The following MCOLN1 variants were observed in gnomAD, a reference collection of about 807,000 sequenced individuals.
MCOLN1 encodes the protein mucolipin-1.
Under a neutral mutation model 70.3 loss-of-function variants are expected in MCOLN1, and 50 were observed. The ratio of observed to expected loss-of-function variants is 0.71; its 90% CI spans 0.57 to 0.90. MCOLN1 has a LOEUF of 0.90. Ranked by LOEUF, MCOLN1 falls within the 40% of genes least tolerant of loss-of-function variation. The pLI is 0.00. For synonymous variants in MCOLN1, 366 were observed against 341.0 expected, an observed-to-expected ratio of 1.07 and a Z score of -0.81; for missense variants, 598 against 803.5, an observed-to-expected ratio of 0.74 and a Z score of 3.09.
intron 10 of MCOLN1, 91 bp from the exon 11 acceptor site, chr19:7,529,499 A>AGGGG: frequency 3.0e-6 from 3 of 1,014,178 alleles, no homozygotes; most frequent in Non-Finnish European, 3.0e-6. Flanking sequence ...GCCCTCGGCA[A>AGGGG]GGCCCCGCCC....
chr19:7,524,932 C>T lies in MCOLN1; in HGVS notation c.32-29C>T, dbSNP rs1599252148. ...GGGAAAAGGGGAGTTGCCCAGGCCT[C>T]ACCCCAGTGCCCTCTCCTATTCCCA... is the stretch of plus-strand genomic sequence containing the variant. On this transcript the variant is annotated intron_variant, in intron 1 of 13. Coordinates refer to ENST00000264079, the MANE Select transcript of MCOLN1 (RefSeq NM_020533.3). This position sits in a 1 kb window ranked among gnomAD's most constrained non-coding sequence, Gnocchi z 4.1. 2 of 1,595,706 alleles carry T rather than the reference C, an allele frequency of 1.3e-6. No individual in the cohort carries two copies. The highest frequency in any genetic ancestry group is 2.2e-5 in the East Asian group (1 of 44,780).
intron 12 of MCOLN1, chr19:7,533,265 CTAGGTCTG>C: frequency 1.7e-6 from 1 of 585,900 alleles, no homozygotes; most frequent in Admixed American, 3.0e-5. Context: ...AGCCCTGGCT[CTAGGTCTG>C]TAGGTGCTGG....
rs1301934204 is a variant in MCOLN1, at chr19:7,525,247, T to C, written c.237+81T>C. 7.4e-6 allele frequency: 10 copies of C among 1,352,886 alleles called. No homozygotes were observed. Among genetic ancestry groups the C allele is most frequent in the Non-Finnish European group, 1.0e-5 (10 of 953,032 alleles). The allele number at this position is 1,352,886 out of a possible 1,614,324, so 83.8% of individuals were successfully genotyped here. A position where few individuals can be genotyped will look rare whatever the true frequency, so the allele number is the denominator to read the frequency against. On this transcript the variant is annotated intron_variant, in intron 2 of 13. Coordinates refer to ENST00000264079, the MANE Select transcript of MCOLN1 (RefSeq NM_020533.3). The surrounding 1 kb of genome is among the most constrained non-coding windows in gnomAD (Gnocchi z 4.2). The stretch of plus-strand genomic sequence containing the variant: ...CTTGAAGAGAGTCTTAAAGCAGCAC[T>C]TTGGAAGGCCGAGGCCGGTGGATCG...
At chr19:7,530,930 G>A (rs2022646123) in intron 12 of MCOLN1, among the ~76,000 whole-genome samples, 1 of 152,158 alleles carries the variant, frequency 6.6e-6, no homozygotes, top group Admixed American at 6.5e-5. Context: ...TAGTAGAGAT[G>A]GCATTTCACC....
Position 7,530,235 on chromosome 19 carries a change from C to T in MCOLN1, c.1360-51C>T, listed in dbSNP as rs11880842. ...GGGACCCCAGCCTGACCCCAGCCCC[C>T]GGTTCCTGGCCATGCCTTGGCTCCC... is the stretch of plus-strand genomic sequence containing the variant. On this transcript the variant is annotated intron_variant, in intron 11 of 13. Coordinates refer to ENST00000264079, the MANE Select transcript of MCOLN1 (RefSeq NM_020533.3). 0.29 allele frequency: 445,768 copies of T among 1,519,006 alleles called. 67,820 individuals carry two copies. Among genetic ancestry groups the T allele is most frequent in the Middle Eastern group, 0.37 (2,045 of 5,510 alleles). 94.1% of individuals were successfully genotyped at this position (1,519,006 alleles called of 1,614,324 possible).
At chr19:7,530,970 G>A (rs7249569) in intron 12 of MCOLN1, among the ~76,000 whole-genome samples, 38,444 of 152,070 alleles carry the variant, frequency 0.25, 5,022 homozygotes, top group East Asian at 0.3. Context: ...CAAACTCCTG[G>A]CCTCAGGAGA....
intron 4 of MCOLN1, 164 bp downstream of exon 4, chr19:7,527,090 C>A: frequency 2.3e-6 from 2 of 855,010 alleles, no homozygotes; most frequent in South Asian, 1.4e-5. Flanking sequence ...GCCTGGGCCA[C>A]GTAGGAAGAC....
chr19:7,533,236 T>C (rs2022689354), intron 12 of MCOLN1, among the ~76,000 whole-genome samples: 1 of 152,266 alleles, frequency 6.6e-6, no homozygotes, highest in African/African-American at 2.4e-5. Context: ...AGATGGTTTC[T>C]GAGCATCGAG....
At position 7,528,409 on chromosome 19, in the gene MCOLN1, C is replaced by A; in HGVS notation, c.877+152C>A. 1 of 1,005,820 alleles carries A rather than the reference C, an allele frequency of 9.9e-7. No homozygotes were observed. Among genetic ancestry groups the A allele is most frequent in the Non-Finnish European group, 1.5e-6 (1 of 663,908 alleles). The allele number at this position is 1,005,820 out of a possible 1,614,324, so 62.3% of individuals were successfully genotyped here. On this transcript the variant is annotated intron_variant, in intron 7 of 13. Coordinates refer to ENST00000264079, the MANE Select transcript of MCOLN1 (RefSeq NM_020533.3). This position sits in a 1 kb window ranked among gnomAD's most constrained non-coding sequence, Gnocchi z 4.2. ...CACAGACCAGGGACCCCGTCCTGTG[C>A]TGAGATCCCCCAAGCCCCAGACCAG...
rs1003273620 is a variant in MCOLN1 at position 7,524,860 on chromosome 19, T to C, written c.32-101T>C. ...TCAGAGCTCTTCCTTGGCAGGAGCA[T>C]GGGGACATGAAGATAGGGCGTGTGC... On this transcript the variant is annotated intron_variant, in intron 1 of 13. Transcript: ENST00000264079. The surrounding 1 kb of genome is among the most constrained non-coding windows in gnomAD (Gnocchi z 4.1). 1 of 942,580 alleles carries C rather than the reference T, an allele frequency of 1.1e-6. No homozygotes were observed. The highest frequency in any genetic ancestry group is 1.7e-6 in the Non-Finnish European group (1 of 589,056). The allele number at this position is 942,580 out of a possible 1,614,324, so 58.4% of individuals were successfully genotyped here.
chr19:7,530,123 T>G (rs1433452386), intron 11 of MCOLN1, among the ~76,000 whole-genome samples, 163 bp from the exon 12 acceptor site: 1 of 151,476 alleles, frequency 6.6e-6, no homozygotes, highest in Non-Finnish European at 1.5e-5. Context: ...GGCCCTAGCC[T>G]GGAACCCGAC....
At position 7,528,366 on chromosome 19, in the gene MCOLN1, C is replaced by G; in HGVS notation, c.877+109C>G. On this transcript the variant is annotated intron_variant, in intron 7 of 13. Coordinates refer to ENST00000264079, the MANE Select transcript of MCOLN1 (RefSeq NM_020533.3). The surrounding 1 kb of genome is among the most constrained non-coding windows in gnomAD (Gnocchi z 4.2). ...GGGGGCCGTGACCTCCCCAGGAATC[C>G]GCTGAGCCTCAGATCAGCACAGACC... The G allele has an allele frequency of 1.8e-6, 2 of 1,122,594 alleles. No individual in the cohort carries two copies. The highest frequency in any genetic ancestry group is 2.7e-6 in the Non-Finnish European group (2 of 754,490). The allele number at this position is 1,122,594 out of a possible 1,614,324, so 69.5% of individuals were successfully genotyped here.
chr19:7,528,090 CACCTGTCATGTGG>C lies in MCOLN1; in HGVS notation c.778-63_778-51del. On this transcript the variant is annotated intron_variant, in intron 6 of 13. Coordinates refer to ENST00000264079, the MANE Select transcript of MCOLN1 (RefSeq NM_020533.3). This position sits in a 1 kb window ranked among gnomAD's most constrained non-coding sequence, Gnocchi z 4.2. ...GGAGGGAGCCCGGGGTCTGTCAGGC[CACCTGTCATGTGG>C]ACCTTGGGGCTTGGGGCTGCCAAGG... The C allele has an allele frequency of 1.9e-6, 3 of 1,570,286 alleles. No homozygotes were observed. Among genetic ancestry groups the C allele is most frequent in the Non-Finnish European group, 2.6e-6 (3 of 1,140,254 alleles).
rs531268819 is a variant in MCOLN1, at chr19:7,528,579, G to A, written c.878-18G>A. The A allele has an allele frequency of 6.3e-5, 102 of 1,613,740 alleles. 1 individual carries two copies. Among genetic ancestry groups the A allele is most frequent in the Middle Eastern group, 5.1e-4 (3 of 5,932 alleles). ...CTCCATGCCATCCTTGGCCCTACCC[G>A]CTCTGCCCTCCCCGCAGGAGACAAC... On this transcript the variant is annotated intron_variant, in intron 7 of 13. Transcript: ENST00000264079. This position sits in a 1 kb window ranked among gnomAD's most constrained non-coding sequence, Gnocchi z 4.2.
At position 7,528,058 on chromosome 19, in the gene MCOLN1, T is replaced by C; in HGVS notation, c.777+98T>C. 1 of 1,524,550 alleles carries C rather than the reference T, an allele frequency of 6.6e-7. No individual in the cohort carries two copies. Among genetic ancestry groups the C allele is most frequent in the Non-Finnish European group, 9.1e-7 (1 of 1,099,124 alleles). 94.4% of individuals were successfully genotyped at this position (1,524,550 alleles called of 1,614,324 possible). A position where few individuals can be genotyped will look rare whatever the true frequency, so the allele number is the denominator to read the frequency against. ...CACTGGCCAAGGGCAAGCGTGCGGG[T>C]GATGAGGGAGGGAGCCCGGGGTCTG... On this transcript the variant is annotated intron_variant, in intron 6 of 13. Coordinates refer to ENST00000264079, the MANE Select transcript of MCOLN1 (RefSeq NM_020533.3). The surrounding 1 kb of genome is among the most constrained non-coding windows in gnomAD (Gnocchi z 4.2).
rs1354365004 is a variant in MCOLN1 at position 7,524,514 on chromosome 19, C to A, written c.32-447C>A. ...TTGGGATAAGCCCAGCAGGCTTGAA[C>A]GCCCAGTGAAAAGCCAGTGGGAGCA... On this transcript the variant is annotated intron_variant, in intron 1 of 13. Coordinates refer to ENST00000264079, the MANE Select transcript of MCOLN1 (RefSeq NM_020533.3). This position sits in a 1 kb window ranked among gnomAD's most constrained non-coding sequence, Gnocchi z 4.1. 6.6e-6 allele frequency among the ~76,000 whole-genome samples: 1 copy of A among 152,104 alleles called. No homozygotes were observed. Among genetic ancestry groups the A allele is most frequent in the Non-Finnish European group, 1.5e-5 (1 of 68,028 alleles).
rs931909504 is a variant in MCOLN1, at chr19:7,528,490, A to G, written c.878-107A>G. ...CAAGCCCTGAGCCCACTGACCAACCAAAACCAGCCGTGCAGCCCCCTAGGT... is the reference window on the plus strand; with the variant it reads ...CAAGCCCTGAGCCCACTGACCAACCGAAACCAGCCGTGCAGCCCCCTAGGT... On this transcript the variant is annotated intron_variant, in intron 7 of 13. Transcript: ENST00000264079. This position sits in a 1 kb window ranked among gnomAD's most constrained non-coding sequence, Gnocchi z 4.2. The G allele has an allele frequency of 7.4e-6, 11 of 1,478,756 alleles. No individual in the cohort carries two copies. In the African/African-American group the frequency reaches 8.4e-5, roughly 11 times the overall value. The allele number at this position is 1,478,756 out of a possible 1,614,324, so 91.6% of individuals were successfully genotyped here.
chr19:7,530,164 G>A (rs2022634897), intron 11 of MCOLN1, 122 bp from the exon 12 acceptor site: 7 of 952,174 alleles, frequency 7.4e-6, no homozygotes, highest in African/African-American at 1.6e-5. Context: ...CCCGGGACCC[G>A]GCCATTCATG....
In MCOLN1 at chr19:7,526,290, C is replaced by T. The variant is rs909941077; in HGVS notation, c.238-149C>T. 1.3e-5 allele frequency: 11 copies of T among 873,790 alleles called. No homozygotes were observed. The highest frequency in any genetic ancestry group is 1.7e-5 in the Non-Finnish European group (9 of 523,870). The allele number at this position is 873,790 out of a possible 1,614,324, so 54.1% of individuals were successfully genotyped here. On this transcript the variant is annotated intron_variant, in intron 2 of 13. Coordinates refer to ENST00000264079, the MANE Select transcript of MCOLN1 (RefSeq NM_020533.3). This position sits in a 1 kb window ranked among gnomAD's most constrained non-coding sequence, Gnocchi z 4.6. Reference sequence around the variant, plus strand: ...AGCAAAGAAATGCACAAGTGAAATCCGTGTTTGTGGCCCAAGTTAGCAGGG... The same window carrying T: ...AGCAAAGAAATGCACAAGTGAAATCTGTGTTTGTGGCCCAAGTTAGCAGGG...
Sources: gnomAD v4.1 joint callset for allele counts (sites outside exome capture counted in the v4.1 genomes callset) on GRCh38, gnomAD v4.1.1 for gene constraint, Gnocchi (gnomAD v3.1) non-coding constraint, MANE v1.5 for transcripts, NCBI Gene and HGNC (gene_info 2026-07-23, HGNC 2026-07-21) for gene names.